The following ITPR2 variants were observed in gnomAD, a reference collection of about 807,000 sequenced individuals.
The protein encoded by ITPR2 is inositol 1,4,5-trisphosphate receptor type 2.
ITPR2 carries 207 observed loss-of-function variants against 317.1 expected under a neutral mutation model. The observed-to-expected ratio is 0.65, with a 90% CI of 0.58 to 0.73. The LOEUF (loss-of-function observed/expected upper bound fraction) is 0.73, where lower values mean the gene tolerates loss of function less well. ITPR2 is among the 30% of genes least tolerant of loss of function. ITPR2 has a pLI of 0.00. For missense variants in ITPR2, 2,613 were observed against 3,284.0 expected, an observed-to-expected ratio of 0.80 and a Z score of 4.99; for synonymous variants, 1,156 against 1,149.1, an observed-to-expected ratio of 1.01 and a Z score of -0.12.
chr12:26,580,893 T>C (rs533668221), intron 32 of ITPR2, among the ~76,000 whole-genome samples: 21 of 152,124 alleles, frequency 1.4e-4, no homozygotes, highest in Admixed American at 1.0e-3. Context: ...ATGAACAAAT[T>C]GCAAAAGCTA....
intron 31 of ITPR2, 28 bp downstream of exon 31, chr12:26,596,855 A>T (rs199651648): frequency 1.7e-5 from 25 of 1,508,942 alleles, no homozygotes; most frequent in Non-Finnish European, 2.2e-5. Context: ...TGATTCTATT[A>T]GAGCTGCTAA....
chr12:26,672,413 A>G (rs1033028205), intron 13 of ITPR2, among the ~76,000 whole-genome samples: 37 of 152,204 alleles, frequency 2.4e-4, no homozygotes, highest in African/African-American at 8.2e-4. Context: ...AAACCACTCA[A>G]CTACATGGAA....
chr12:26,769,915 A>T (rs1455510435), intron 2 of ITPR2, among the ~76,000 whole-genome samples: 1 of 152,228 alleles, frequency 6.6e-6, no homozygotes, highest in Non-Finnish European at 1.5e-5. Flanking sequence ...CTAGAAATAC[A>T]TTATCAAAAG....
At chr12:26,521,491 T>G in intron 37 of ITPR2, among the ~76,000 whole-genome samples, 1 of 152,298 alleles carries the variant, frequency 6.6e-6, no homozygotes, top group East Asian at 1.9e-4. Flanking sequence ...TCAGATTCAT[T>G]ATATGCAGTC....
At chr12:26,346,350 C>T (rs555834740) in intron 55 of ITPR2, among the ~76,000 whole-genome samples, 1 of 152,310 alleles carries the variant, frequency 6.6e-6, no homozygotes, top group South Asian at 2.1e-4. Flanking sequence ...GGGCCAGGCA[C>T]GGTGGCTCAT....
intron 35 of ITPR2, among the ~76,000 whole-genome samples, chr12:26,557,857 G>A (rs1427223333): frequency 3.3e-5 from 5 of 150,854 alleles, no homozygotes. Flanking sequence ...AACTACATTA[G>A]AAGAAAAAAA....
Position 26,596,918 on chromosome 12 carries a change from C to G in ITPR2, c.4219G>C (p.Val1407Leu). ...CNSLLPLDDI[V>L]RVVTHDDCIP... Reference sequence around the variant, plus strand: ...CAGTCGTCATGGGTCACCACCCTCACTATGTCGTCCAGCGGGAGAAGGGAA... The same window carrying G: ...CAGTCGTCATGGGTCACCACCCTCAGTATGTCGTCCAGCGGGAGAAGGGAA... Residue 1407 changes from valine (V) to leucine (L), a missense_variant, in exon 31 of 57, where the codon GTG (valine) becomes CTG (leucine). This residue lies in a region of ITPR2 where 926 missense variants were observed against 1,072.8 expected (regional missense o/e 0.86). Coordinates refer to ENST00000381340, the MANE Select transcript of ITPR2 (RefSeq NM_002223.4). 1 of 1,581,724 alleles carries G rather than the reference C, an allele frequency of 6.3e-7. No homozygotes were observed. Among genetic ancestry groups the G allele is most frequent in the East Asian group, 2.2e-5 (1 of 44,582 alleles).
intron 9 of ITPR2, among the ~76,000 whole-genome samples, chr12:26,697,696 C>T (rs959474884): frequency 6.6e-6 from 1 of 152,052 alleles, no homozygotes; most frequent in African/African-American, 2.4e-5. Context: ...GTAATTCCAG[C>T]TACTTGGGAA....
chr12:26,715,836 C>T lies in ITPR2; in HGVS notation c.625-1G>A. On this transcript the variant is annotated splice_acceptor_variant, in intron 6 of 56. Coordinates refer to ENST00000381340, the MANE Select transcript of ITPR2 (RefSeq NM_002223.4). LOFTEE classifies it high-confidence loss of function. ...TGGTGTTGCAATTGACAGCATTCAC[C>T]TATTAATGAAGAAACGTTCAAAGTT... 2 of 1,595,794 alleles carry T rather than the reference C, an allele frequency of 1.3e-6. No individual in the cohort carries two copies. Among genetic ancestry groups the T allele is most frequent in the Non-Finnish European group, 1.7e-6 (2 of 1,164,208 alleles).
At chr12:26,546,447 T>C (rs1298457505) in intron 37 of ITPR2, among the ~76,000 whole-genome samples, 1 of 152,190 alleles carries the variant, frequency 6.6e-6, no homozygotes, top group African/African-American at 2.4e-5. Context: ...ATGTAGTATT[T>C]GTCTTTTTGT....
At chr12:26,466,766 AG>A (rs1302328131) in intron 45 of ITPR2, among the ~76,000 whole-genome samples, 2 of 152,194 alleles carry the variant, frequency 1.3e-5, no homozygotes, top group Non-Finnish European at 2.9e-5. Context: ...GAGAAAACAC[AG>A]GGTGCAGGGG....
At chr12:26,743,848 G>A (rs1949275106) in intron 2 of ITPR2, among the ~76,000 whole-genome samples, 1 of 152,168 alleles carries the variant, frequency 6.6e-6, no homozygotes, top group Non-Finnish European at 1.5e-5. Flanking sequence ...CCGAGATTGT[G>A]CCATTGCACT....
chr12:26,638,279 TAATA>T (rs1431956769), intron 21 of ITPR2, among the ~76,000 whole-genome samples: 2 of 152,234 alleles, frequency 1.3e-5, no homozygotes, highest in Non-Finnish European at 2.9e-5. Flanking sequence ...GTAATGGAAG[TAATA>T]AATGAATGTA....
chr12:26,506,720 C>T (rs1943196711), intron 37 of ITPR2, among the ~76,000 whole-genome samples: 1 of 152,060 alleles, frequency 6.6e-6, no homozygotes, highest in South Asian at 2.1e-4. Flanking sequence ...AGAGAACACA[C>T]TAATATCCCA....
chr12:26,686,071 G>A (rs1183745912), intron 11 of ITPR2, among the ~76,000 whole-genome samples: 1 of 152,086 alleles, frequency 6.6e-6, no homozygotes, highest in Non-Finnish European at 1.5e-5. Context: ...GGCAATGCCT[G>A]GAATGTAATG....
intron 45 of ITPR2, among the ~76,000 whole-genome samples, chr12:26,467,536 C>T (rs952468891): frequency 6.6e-6 from 1 of 152,124 alleles, no homozygotes; most frequent in Admixed American, 6.5e-5. Flanking sequence ...TCCAGCTATC[C>T]TATTAGACTT....
At chr12:26,448,484 G>C (rs80054343) in intron 45 of ITPR2, among the ~76,000 whole-genome samples, 8,864 of 152,198 alleles carry the variant, frequency 0.058, 380 homozygotes, top group Non-Finnish European at 0.088. Context: ...TTAGTATGCA[G>C]TTTCAAAAGA....
intron 9 of ITPR2, among the ~76,000 whole-genome samples, chr12:26,706,889 T>C (rs952259430): frequency 1.3e-5 from 2 of 152,210 alleles, no homozygotes; most frequent in African/African-American, 4.8e-5. Flanking sequence ...AGTTTTAATA[T>C]TGTCTATGTA....
At chr12:26,758,627 G>A (rs140451961) in intron 2 of ITPR2, among the ~76,000 whole-genome samples, 5 of 152,350 alleles carry the variant, frequency 3.3e-5, no homozygotes, top group African/African-American at 7.2e-5. Flanking sequence ...GCACTGGAAT[G>A]AGAAGCTCCA....
Sources: gnomAD v4.1 joint callset for allele counts (sites outside exome capture counted in the v4.1 genomes callset) on GRCh38, gnomAD v4.1.1 for gene constraint, gnomAD v4.1.1 regional missense constraint, MANE v1.5 for transcripts, NCBI Gene and HGNC (gene_info 2026-07-23, HGNC 2026-07-21) for gene names.